MAP2K5: variants seen among roughly 807,000 people sequenced by gnomAD.
The protein encoded by MAP2K5 is dual specificity mitogen-activated protein kinase kinase 5.
A neutral mutation model predicts 83.1 loss-of-function variants in MAP2K5; 49 were observed. The observed-to-expected ratio is 0.59, with a 90% CI of 0.47 to 0.75. The LOEUF is 0.75. Among genes scored for constraint, MAP2K5 ranks in the 30% least tolerant of loss-of-function variants. The probability of loss-of-function intolerance (pLI) is 0.00; values close to 1 mark genes in which losing one functional copy is unlikely to be tolerated. For missense variants in MAP2K5, 457 were observed against 557.5 expected, an observed-to-expected ratio of 0.82 and a Z score of 1.82; for synonymous variants, 202 against 191.8, an observed-to-expected ratio of 1.05 and a Z score of -0.44.
In MAP2K5 at chr15:67,781,084, G is replaced by A. The variant is rs1387696974; in HGVS notation, c.1242+8332G>A. On this transcript the variant is annotated intron_variant, in intron 21 of 21. Transcript: ENST00000178640. The surrounding 1 kb of genome is among the most constrained non-coding windows in gnomAD (Gnocchi z 4.0). ...TCAGATGCATGCCACCCACTCCCCA[G>A]CTCTTGGGAATAATGGATTCAGTTG... is the stretch of plus-strand genomic sequence containing the variant. Among the ~76,000 whole-genome samples the A allele has an allele frequency of 6.6e-6, 1 of 152,170 alleles. No homozygotes were observed. The highest frequency in any genetic ancestry group is 2.4e-5 in the African/African-American group (1 of 41,444).
chr15:67,570,757 A>G (rs1224745715), intron 3 of MAP2K5, among the ~76,000 whole-genome samples: 1 of 152,254 alleles, frequency 6.6e-6, no homozygotes, highest in Non-Finnish European at 1.5e-5. Flanking sequence ...TTAACTATGG[A>G]CTGCAAATAG....
In MAP2K5 at chr15:67,769,648, A is replaced by G; in HGVS notation, c.1181A>G (p.His394Arg). 1 of 1,613,680 alleles carries G rather than the reference A, an allele frequency of 6.2e-7. No individual in the cohort carries two copies. Among genetic ancestry groups the G allele is most frequent in the Non-Finnish European group, 8.5e-7 (1 of 1,179,746 alleles). Residue 394 changes from histidine (H) to arginine (R), a missense_variant, in exon 20 of 22, where the codon CAT becomes CGT. Transcript: ENST00000178640. This position sits in a 1 kb window ranked among gnomAD's most constrained non-coding sequence, Gnocchi z 5.2. ...GGAGAGTTCTCGGAGCCATTTGTACATTTCATCACTCAGTGGTGAGCCCGT... is the reference window on the plus strand; with the variant it reads ...GGAGAGTTCTCGGAGCCATTTGTACGTTTCATCACTCAGTGGTGAGCCCGT... ...PVGEFSEPFV[H>R]FITQCMRKQP...
At chr15:67,641,183 C>T (rs1758662976) in intron 9 of MAP2K5, among the ~76,000 whole-genome samples, 1 of 152,118 alleles carries the variant, frequency 6.6e-6, no homozygotes, top group Non-Finnish European at 1.5e-5. Context: ...GGGAAAAATC[C>T]ATCTAACAGG....
rs1414355716 is a variant in MAP2K5, at chr15:67,782,716, A to G, written c.1242+9964A>G. ...AAACATGACTTTTTTTTTAAGCCAC[A>G]GCTTTGCCTCTGGAATACTCTCGCT... On this transcript the variant is annotated intron_variant, in intron 21 of 21. Coordinates refer to ENST00000178640, the MANE Select transcript of MAP2K5 (RefSeq NM_145160.3). This position sits in a 1 kb window ranked among gnomAD's most constrained non-coding sequence, Gnocchi z 4.9. Among the ~76,000 whole-genome samples the G allele has an allele frequency of 6.6e-6, 1 of 152,098 alleles. No homozygotes were observed. The highest frequency in any genetic ancestry group is 6.5e-5 in the Admixed American group (1 of 15,274).
chr15:67,744,291 AT>A (rs1284402441), intron 17 of MAP2K5, among the ~76,000 whole-genome samples: 3 of 152,266 alleles, frequency 2.0e-5, no homozygotes, highest in Non-Finnish European at 2.9e-5. Context: ...AGAGCTCAAC[AT>A]TGAAAGCTAG....
Position 67,734,632 on chromosome 15 carries a change from T to C in MAP2K5, c.1074+6687T>C, listed in dbSNP as rs186700936. Among the ~76,000 whole-genome samples the C allele has an allele frequency of 2.6e-5, 4 of 152,316 alleles. No homozygotes were observed. In the East Asian group the frequency reaches 7.7e-4, roughly 29 times the overall value. On this transcript the variant is annotated intron_variant, in intron 17 of 21. Coordinates refer to ENST00000178640, the MANE Select transcript of MAP2K5 (RefSeq NM_145160.3). ...TTGTTTACTGATGTCTTATATTCTA[T>C]GTTAAATTTAGACCACAGATATCAT...
At chr15:67,693,715 A>C (rs1207985983) in intron 15 of MAP2K5, 147 bp downstream of exon 15, 3 of 609,312 alleles carry the variant, frequency 4.9e-6, no homozygotes, top group African/African-American at 1.9e-5. Flanking sequence ...CTGATTTTTA[A>C]ATCTTTCTAA....
At chr15:67,625,997 G>T (rs563750930) in intron 8 of MAP2K5, among the ~76,000 whole-genome samples, 1 of 152,224 alleles carries the variant, frequency 6.6e-6, no homozygotes, top group African/African-American at 2.4e-5. Context: ...TCCAGGTGTT[G>T]CTTATTCGAA....
chr15:67,767,473 A>G (rs1213199172), intron 19 of MAP2K5, among the ~76,000 whole-genome samples: 2 of 152,168 alleles, frequency 1.3e-5, no homozygotes, highest in Admixed American at 1.3e-4. Flanking sequence ...TACACCCTCA[A>G]AAAAAATCCA....
At position 67,637,723 on chromosome 15, in the gene MAP2K5, ACTCT is replaced by A. The variant is rs1298660172; in HGVS notation, c.585+6798_585+6801del. Among the ~76,000 whole-genome samples, 1 of 151,282 alleles carries A rather than the reference ACTCT, an allele frequency of 6.6e-6. No homozygotes were observed. Among genetic ancestry groups the A allele is most frequent in the Non-Finnish European group, 1.5e-5 (1 of 67,834 alleles). ...TCTCTAGCTTCCTTGGCCTCCTCAGACTCTCAGTTTTGTCTTCTCATCTTAGGGA... is the reference window on the plus strand; with the variant it reads ...TCTCTAGCTTCCTTGGCCTCCTCAGACAGTTTTGTCTTCTCATCTTAGGGA... On this transcript the variant is annotated intron_variant, in intron 9 of 21. Coordinates refer to ENST00000178640, the MANE Select transcript of MAP2K5 (RefSeq NM_145160.3). The surrounding 1 kb of genome is among the most constrained non-coding windows in gnomAD (Gnocchi z 4.5).
chr15:67,614,680 G>A (rs993642312), intron 8 of MAP2K5, among the ~76,000 whole-genome samples: 1 of 152,170 alleles, frequency 6.6e-6, no homozygotes, highest in African/African-American at 2.4e-5. Context: ...AGTTGATGTG[G>A]AGAGTGTTAA....
At position 67,543,263 on chromosome 15, in the gene MAP2K5, C is replaced by T. The variant is rs371808506; in HGVS notation, c.-73C>T. The T allele has an allele frequency of 1.3e-6, 2 of 1,541,948 alleles. No individual in the cohort carries two copies. Among genetic ancestry groups the T allele is most frequent in the African/African-American group, 1.4e-5 (1 of 73,562 alleles). On this transcript the variant is annotated 5_prime_UTR_variant, in exon 1 of 22. Transcript: ENST00000178640. This position sits in a 1 kb window ranked among gnomAD's most constrained non-coding sequence, Gnocchi z 4.3. ...CTCTGCCCGTCACTCCCCTTGTCAC[C>T]TCTTGGAGCCCCCTCCTAACCAGCG...
rs1182249008 is a variant in MAP2K5, at chr15:67,642,570, C to T, written c.586-3661C>T. Reference sequence around the variant, plus strand: ...TAGAACAGGTTTTTTCAATCAGTGCCTGGAGAAGAGAGAGGAAGCACACCC... The same window carrying T: ...TAGAACAGGTTTTTTCAATCAGTGCTTGGAGAAGAGAGAGGAAGCACACCC... On this transcript the variant is annotated intron_variant, in intron 9 of 21. Transcript: ENST00000178640. 80 of 876,112 alleles carry T rather than the reference C, an allele frequency of 9.1e-5. 1 individual carries two copies. The East Asian group carries it at 1.9e-3, about 20-fold the overall frequency. 54.3% of individuals were successfully genotyped at this position (876,112 alleles called of 1,614,324 possible).
intron 16 of MAP2K5, among the ~76,000 whole-genome samples, chr15:67,716,430 A>T (rs556161078): frequency 6.6e-6 from 1 of 152,364 alleles, no homozygotes; most frequent in South Asian, 2.1e-4. Context: ...CTGAAAGATA[A>T]GAAGGAACCA....
chr15:67,581,863 G>A (rs1300954777), intron 4 of MAP2K5, among the ~76,000 whole-genome samples: 1 of 152,092 alleles, frequency 6.6e-6, no homozygotes, highest in Non-Finnish European at 1.5e-5. Flanking sequence ...GCAGAATCAG[G>A]AGTGCTTAGT....
Position 67,753,699 on chromosome 15 carries a change from TAAC to T in MAP2K5, c.1134+5101_1134+5103del, listed in dbSNP as rs1003794166. ...AAAAAAAGAAAAGAAAAACAGAAAA[TAAC>T]AATTGGTGACAAGAATGTGGGGAAA... is the stretch of plus-strand genomic sequence containing the variant. On this transcript the variant is annotated intron_variant, in intron 19 of 21. Transcript: ENST00000178640. 7.6e-4 allele frequency among the ~76,000 whole-genome samples: 114 copies of T among 150,340 alleles called. 1 individual carries two copies. The highest frequency in any genetic ancestry group is 2.7e-3 in the African/African-American group (111 of 40,830).
intron 17 of MAP2K5, among the ~76,000 whole-genome samples, chr15:67,744,574 T>C (rs2089562966): frequency 6.6e-6 from 1 of 152,238 alleles, no homozygotes; most frequent in African/African-American, 2.4e-5. Flanking sequence ...CTAAGTTACA[T>C]AGGTAGATTC....
At chr15:67,634,780 T>A (rs1383631892) in intron 9 of MAP2K5, among the ~76,000 whole-genome samples, 1 of 152,212 alleles carries the variant, frequency 6.6e-6, no homozygotes, top group Non-Finnish European at 1.5e-5. Context: ...TTTTTTACTT[T>A]TAACCTATTG....
intron 17 of MAP2K5, among the ~76,000 whole-genome samples, chr15:67,733,276 T>A (rs1307228618): frequency 6.6e-6 from 1 of 152,204 alleles, no homozygotes; most frequent in Non-Finnish European, 1.5e-5. Flanking sequence ...TTGATGTTAT[T>A]CCAAACGGCT....
Sources: gnomAD v4.1 joint callset for allele counts (sites outside exome capture counted in the v4.1 genomes callset) on GRCh38, gnomAD v4.1.1 for gene constraint, Gnocchi (gnomAD v3.1) non-coding constraint, MANE v1.5 for transcripts, NCBI Gene and HGNC (gene_info 2026-07-23, HGNC 2026-07-21) for gene names.